Variants in CENPP observed in about 807,000 individuals in gnomAD.
The protein encoded by CENPP is centromere protein P.
In CENPP, 24 loss-of-function variants were observed where a neutral mutation model predicts 35.6. The observed-to-expected ratio is 0.67, with a 90% CI of 0.49 to 0.95. CENPP has a LOEUF of 0.95. CENPP is among the 40% of genes least tolerant of loss of function. CENPP has a pLI of 0.00. For missense variants in CENPP, 332 were observed against 345.3 expected, an observed-to-expected ratio of 0.96 and a Z score of 0.31; for synonymous variants, 120 against 125.5, an observed-to-expected ratio of 0.96 and a Z score of 0.29.
intron 5 of CENPP, among the ~76,000 whole-genome samples, chr9:92,401,835 G>A (rs1049993506): frequency 2.0e-5 from 3 of 152,090 alleles, no homozygotes; most frequent in African/African-American, 7.2e-5. Context: ...TACGTTTTCT[G>A]CCATTAGATT....
At chr9:92,381,985 G>A (rs1842259518) in intron 5 of CENPP, among the ~76,000 whole-genome samples, 1 of 151,064 alleles carries the variant, frequency 6.6e-6, no homozygotes, top group African/African-American at 2.4e-5. Context: ...CTAATGGTTA[G>A]TGATGTTAAA....
intron 5 of CENPP, chr9:92,505,770 G>T (rs1158138913): frequency 1.7e-6 from 2 of 1,163,426 alleles, no homozygotes; most frequent in Non-Finnish European, 2.4e-6. Flanking sequence ...AATGTCATGT[G>T]AAATGGCCGG....
intron 4 of CENPP, among the ~76,000 whole-genome samples, chr9:92,373,046 CTTTG>C (rs1275293042): frequency 2.6e-5 from 4 of 152,058 alleles, no homozygotes; most frequent in African/African-American, 4.8e-5. Context: ...CTAATCCTTT[CTTTG>C]TTTATTTGCC....
At chr9:92,344,782 C>G (rs868088632) in intron 3 of CENPP, among the ~76,000 whole-genome samples, 1 of 150,552 alleles carries the variant, frequency 6.6e-6, no homozygotes, top group African/African-American at 2.4e-5. Flanking sequence ...CTCCTAACCT[C>G]AGGTGATTCA....
chr9:92,589,489 AG>A (rs1417800742), intron 5 of CENPP, among the ~76,000 whole-genome samples: 1 of 152,170 alleles, frequency 6.6e-6, no homozygotes, highest in Non-Finnish European at 1.5e-5. Context: ...GCTTATTGGA[AG>A]ATATGCCCTT....
chr9:92,332,559 A>G (rs1468225333), intron 2 of CENPP, among the ~76,000 whole-genome samples: 1 of 152,234 alleles, frequency 6.6e-6, no homozygotes, highest in Non-Finnish European at 1.5e-5. Context: ...CTATAATCCC[A>G]GCTTTTGGGA....
At chr9:92,372,041 TAAA>T (rs1167832452) in intron 4 of CENPP, among the ~76,000 whole-genome samples, 1 of 52,240 alleles carries the variant, frequency 1.9e-5, no homozygotes, top group Non-Finnish European at 3.4e-5. Context: ...AGACTCCATC[TAAA>T]AAAAAAAAAA....
intron 5 of CENPP, chr9:92,496,083 C>G (rs1846331001): frequency 3.5e-6 from 4 of 1,144,734 alleles, no homozygotes; most frequent in Non-Finnish European, 3.2e-6. Context: ...GTGAGATGGC[C>G]TCTTTCTAGA....
chr9:92,375,816 T>C (rs1842112537), intron 4 of CENPP, among the ~76,000 whole-genome samples: 1 of 151,966 alleles, frequency 6.6e-6, no homozygotes. Context: ...AGCCTAGTAA[T>C]TCCCCTAGTC....
intron 5 of CENPP, among the ~76,000 whole-genome samples, chr9:92,563,307 G>T (rs1849890047): frequency 6.6e-6 from 1 of 152,082 alleles, no homozygotes; most frequent in African/African-American, 2.4e-5. Flanking sequence ...TGCTACACCA[G>T]GACTCATTTC....
intron 3 of CENPP, among the ~76,000 whole-genome samples, chr9:92,339,348 A>G (rs981893576): frequency 2.6e-5 from 4 of 152,172 alleles, no homozygotes; most frequent in African/African-American, 4.8e-5. Context: ...ATTCTTTGTC[A>G]GATAGCCACT....
intron 5 of CENPP, among the ~76,000 whole-genome samples, chr9:92,483,657 T>C (rs1845983075): frequency 1.3e-5 from 2 of 152,238 alleles, no homozygotes; most frequent in Non-Finnish European, 2.9e-5. Context: ...AGACCTGTTC[T>C]CTACTGTCAT....
In CENPP at chr9:92,426,387, G is replaced by A. The variant is rs116009428; in HGVS notation, c.564+46528G>A. Among the ~76,000 whole-genome samples the A allele has an allele frequency of 8.7e-3, 1,326 of 152,200 alleles. 32 individuals are homozygous for A. Among genetic ancestry groups the A allele is most frequent in the African/African-American group, 0.029 (1,225 of 41,528 alleles). On this transcript the variant is annotated intron_variant, in intron 5 of 7. Transcript: ENST00000375587. Reference sequence around the variant, plus strand: ...GAGACCTGCTTAATTAACATAATAAGCATTACAATTTTCTGCTCATTTGTT... The same window carrying A: ...GAGACCTGCTTAATTAACATAATAAACATTACAATTTTCTGCTCATTTGTT...
At chr9:92,403,511 C>T (rs1564302387) in intron 5 of CENPP, 6 of 1,463,578 alleles carry the variant, frequency 4.1e-6, no homozygotes, top group Non-Finnish European at 5.4e-6. Context: ...ACCATCGAAG[C>T]AATATTTAAA....
At chr9:92,489,075 C>T (rs1846122855) in intron 5 of CENPP, among the ~76,000 whole-genome samples, 1 of 152,172 alleles carries the variant, frequency 6.6e-6, no homozygotes, top group African/African-American at 2.4e-5. Flanking sequence ...GAGTTTAGAA[C>T]ATTTATTCCT....
At chr9:92,395,788 C>T (rs1452385866) in intron 5 of CENPP, among the ~76,000 whole-genome samples, 1 of 148,232 alleles carries the variant, frequency 6.7e-6, no homozygotes, top group Non-Finnish European at 1.5e-5. Context: ...TTTTCATGTG[C>T]TTGTTTGGCA....
intron 5 of CENPP, among the ~76,000 whole-genome samples, chr9:92,391,085 C>T (rs569525178): frequency 2.0e-5 from 3 of 151,128 alleles, no homozygotes; most frequent in South Asian, 2.1e-4. Flanking sequence ...GCCAACACAG[C>T]GCAACCTCAT....
chr9:92,330,482 C>T (rs564426482), intron 1 of CENPP, among the ~76,000 whole-genome samples: 1 of 151,960 alleles, frequency 6.6e-6, no homozygotes, highest in South Asian at 2.1e-4. Flanking sequence ...AAGAAGCTGA[C>T]CCTAGATAGC....
chr9:92,423,369 GAA>G (rs1441726492), intron 5 of CENPP, among the ~76,000 whole-genome samples: 1 of 152,026 alleles, frequency 6.6e-6, no homozygotes, highest in Non-Finnish European at 1.5e-5. Context: ...TGTTCATCAA[GAA>G]AAGTTTCAAT....
Sources: gnomAD v4.1 joint callset for allele counts (sites outside exome capture counted in the v4.1 genomes callset) on GRCh38, gnomAD v4.1.1 for gene constraint, MANE v1.5 for transcripts, NCBI Gene and HGNC (gene_info 2026-07-23, HGNC 2026-07-21) for gene names.